Variants in FBXL17 observed in about 807,000 individuals in gnomAD.
FBXL17 encodes F-box and leucine rich repeat protein 17.
In FBXL17, 22 loss-of-function variants were observed where a neutral mutation model predicts 66.2. The observed-to-expected ratio is 0.33, with a 90% CI of 0.24 to 0.47. The LOEUF is 0.47. FBXL17 is among the 20% of genes least tolerant of loss of function. The pLI is 1.00. For missense variants in FBXL17, 878 were observed against 948.2 expected, an observed-to-expected ratio of 0.93 and a Z score of 0.97; for synonymous variants, 474 against 400.5, an observed-to-expected ratio of 1.18 and a Z score of -2.19.
intron 7 of FBXL17, among the ~76,000 whole-genome samples, chr5:107,977,896 A>T (rs1325557798): frequency 6.6e-6 from 1 of 152,182 alleles, no homozygotes. Flanking sequence ...GAAAGGCAGA[A>T]ATCAGCTGCA....
At chr5:108,205,760 C>T (rs1754090570) in intron 5 of FBXL17, among the ~76,000 whole-genome samples, 1 of 152,060 alleles carries the variant, frequency 6.6e-6, no homozygotes, top group African/African-American at 2.4e-5. Flanking sequence ...GAGTCTCGCT[C>T]TGTCACCCAG....
rs929990619 is a variant in FBXL17, at chr5:108,268,964, T to C, written c.1507-44736A>G. ...AGACTCAATTAGAGTTGAATATTCA[T>C]ATAATGAGGTAGACAAAGAGTAGTA... On this transcript the variant is annotated intron_variant, in intron 4 of 8. Transcript: ENST00000542267. Among the ~76,000 whole-genome samples the C allele has an allele frequency of 3.9e-5, 6 of 152,174 alleles. No homozygotes were observed. In the East Asian group the frequency reaches 1.2e-3, roughly 29 times the overall value.
intron 7 of FBXL17, among the ~76,000 whole-genome samples, chr5:107,925,316 C>T (rs6875579): frequency 0.94 from 143,576 of 152,292 alleles, 67,969 homozygotes; most frequent in Non-Finnish European, 0.96. Flanking sequence ...ACTTCTCTTA[C>T]GATTCTATGT....
intron 7 of FBXL17, among the ~76,000 whole-genome samples, chr5:107,909,157 A>T (rs1302325755): frequency 6.6e-6 from 1 of 152,192 alleles, no homozygotes; most frequent in Non-Finnish European, 1.5e-5. Context: ...TAGATTGAGT[A>T]AAAACACAGT....
intron 6 of FBXL17, among the ~76,000 whole-genome samples, chr5:108,105,245 C>A (rs1159485837): frequency 6.6e-6 from 1 of 152,092 alleles, no homozygotes; most frequent in Non-Finnish European, 1.5e-5. Flanking sequence ...TTGGAGAAGG[C>A]GCAACTGAAG....
At chr5:107,953,645 T>C (rs1751572701) in intron 7 of FBXL17, among the ~76,000 whole-genome samples, 1 of 152,180 alleles carries the variant, frequency 6.6e-6, no homozygotes, top group Non-Finnish European at 1.5e-5. Flanking sequence ...CTTCACCTTC[T>C]CTTGCAAGCC....
intron 6 of FBXL17, among the ~76,000 whole-genome samples, chr5:108,026,283 A>C (rs1754822583): frequency 6.6e-6 from 1 of 152,190 alleles, no homozygotes; most frequent in Non-Finnish European, 1.5e-5. Flanking sequence ...AATGGCATGA[A>C]ATAGTTTTTT....
chr5:107,885,327 A>G (rs1748928391), intron 7 of FBXL17, among the ~76,000 whole-genome samples: 1 of 152,226 alleles, frequency 6.6e-6, no homozygotes, highest in Non-Finnish European at 1.5e-5. Flanking sequence ...TCATTCCCAT[A>G]GACATACAAA....
chr5:108,347,462 C>G (rs1747357595), intron 4 of FBXL17, among the ~76,000 whole-genome samples: 2 of 152,166 alleles, frequency 1.3e-5, no homozygotes, highest in East Asian at 1.9e-4. Flanking sequence ...TATGATGTAC[C>G]TATCATATAA....
rs774433920 is a variant in FBXL17, at chr5:108,381,470, G to A, written c.222C>T (p.Ala74=). Residue 74 remains alanine (A), a synonymous_variant, in exon 1 of 9, where the codon GCC becomes GCT. Transcript: ENST00000542267. ...AGAGCGGCGGCTCCTCCTCTGGGCC[G>A]GCGGGGGCGGGCGCGCCGGGACTGT... The part of the protein sequence containing the change: ...IVHSPGAPAP[A]GPEEEPPLSP... The A allele has an allele frequency of 3.0e-6, 4 of 1,321,652 alleles. No homozygotes were observed. Among genetic ancestry groups the A allele is most frequent in the East Asian group, 6.2e-5 (2 of 32,272 alleles). 81.9% of individuals were successfully genotyped at this position (1,321,652 alleles called of 1,614,324 possible).
chr5:107,884,141 C>A (rs1288545651), intron 7 of FBXL17, among the ~76,000 whole-genome samples: 1 of 152,072 alleles, frequency 6.6e-6, no homozygotes, highest in African/African-American at 2.4e-5. Flanking sequence ...TATAGTCTAG[C>A]AGAAGAGACA....
chr5:108,181,692 C>T (rs914861185), intron 6 of FBXL17, among the ~76,000 whole-genome samples: 2 of 152,070 alleles, frequency 1.3e-5, no homozygotes, highest in Non-Finnish European at 2.9e-5. Context: ...AAACTAGCAA[C>T]ATTCAGGATA....
intron 7 of FBXL17, among the ~76,000 whole-genome samples, chr5:108,000,166 C>A (rs1465624898): frequency 6.6e-6 from 1 of 152,174 alleles, no homozygotes; most frequent in East Asian, 1.9e-4. Context: ...TAAATGAAAG[C>A]TGTATTGTTT....
chr5:108,072,460 T>C lies in FBXL17; in HGVS notation c.1746-51459A>G, dbSNP rs897641229. On this transcript the variant is annotated intron_variant, in intron 6 of 8. Transcript: ENST00000542267. ...GGCTCACGCCTGTAATCCCAGCACT[T>C]TGGGAGGCTGAGGCGGGTGGATCAC... Among the ~76,000 whole-genome samples the C allele has an allele frequency of 5.9e-5, 9 of 152,212 alleles. No homozygotes were observed. The East Asian group carries it at 1.7e-3, about 29-fold the overall frequency.
At chr5:108,124,748 G>A (rs1479487558) in intron 6 of FBXL17, among the ~76,000 whole-genome samples, 1 of 151,992 alleles carries the variant, frequency 6.6e-6, no homozygotes, top group African/African-American at 2.4e-5. Flanking sequence ...TCTAGTCTAT[G>A]TAGCAATGCC....
chr5:108,324,961 A>G (rs1759782739), intron 4 of FBXL17, among the ~76,000 whole-genome samples: 2 of 152,058 alleles, frequency 1.3e-5, no homozygotes, highest in Admixed American at 1.3e-4. Flanking sequence ...AGAGGAATCA[A>G]AGTCAGAAAG....
At chr5:108,285,633 G>C (rs1240708403) in intron 4 of FBXL17, among the ~76,000 whole-genome samples, 2 of 151,736 alleles carry the variant, frequency 1.3e-5, no homozygotes, top group African/African-American at 4.8e-5. Context: ...GGTCTCAAAA[G>C]CGGGCTTACA....
At chr5:108,029,816 T>C (rs937215370) in intron 6 of FBXL17, among the ~76,000 whole-genome samples, 1 of 152,038 alleles carries the variant, frequency 6.6e-6, no homozygotes, top group Non-Finnish European at 1.5e-5. Flanking sequence ...TCTTCCACAT[T>C]TCCTTTTTAA....
intron 6 of FBXL17, among the ~76,000 whole-genome samples, chr5:108,135,337 C>A (rs2149980585): frequency 6.6e-6 from 1 of 152,166 alleles, no homozygotes; most frequent in Middle Eastern, 3.4e-3. Flanking sequence ...AAGGTGGGAA[C>A]AAGGGGAATA....
Sources: allele counts gnomAD v4.1 joint callset (sites outside exome capture counted in the v4.1 genomes callset), GRCh38; gene constraint gnomAD v4.1.1; transcripts MANE v1.5; gene names NCBI Gene and HGNC (gene_info 2026-07-23, HGNC 2026-07-21).